Variants in RBFOX1 observed in about 807,000 individuals in gnomAD.
The protein encoded by RBFOX1 is RNA binding fox-1 homolog 1.
A neutral mutation model predicts 57.7 loss-of-function variants in RBFOX1; 8 were observed. The observed-to-expected ratio is 0.14, with a 90% CI of 0.08 to 0.25. The LOEUF (loss-of-function observed/expected upper bound fraction) is 0.25. RBFOX1 is among the 10% of genes least tolerant of loss of function. RBFOX1 has a pLI of 1.00. For synonymous variants in RBFOX1, 326 were observed against 222.4 expected (o/e 1.47, Z -4.15); for missense variants, 611 against 548.5 (o/e 1.11, Z -1.14).
chr16:7,402,342 A>G (rs2098258902), intron 4 of RBFOX1, among the ~76,000 whole-genome samples: 1 of 152,226 alleles, frequency 6.6e-6, no homozygotes, highest in Non-Finnish European at 1.5e-5. Flanking sequence ...TATGTTCCTG[A>G]ACTCCATTAT....
At chr16:6,385,651 T>A (rs114935345) in intron 2 of RBFOX1, among the ~76,000 whole-genome samples, 58 of 152,312 alleles carry the variant, frequency 3.8e-4, no homozygotes, top group African/African-American at 1.3e-3. Context: ...GTTTTTCCCA[T>A]CTTTAAAATG....
intron 3 of RBFOX1, among the ~76,000 whole-genome samples, chr16:6,807,083 T>G: frequency 6.6e-6 from 1 of 151,688 alleles, no homozygotes; most frequent in East Asian, 1.9e-4. Context: ...GTATGCCTGC[T>G]TCAGCCTCCC....
At chr16:6,959,219 G>T (rs959294997) in intron 3 of RBFOX1, among the ~76,000 whole-genome samples, 9 of 152,088 alleles carry the variant, frequency 5.9e-5, no homozygotes, top group Non-Finnish European at 1.3e-4. Context: ...TACTTAAAAA[G>T]TACCTCTCTT....
chr16:6,404,679 C>G (rs2093210233), intron 2 of RBFOX1, among the ~76,000 whole-genome samples: 1 of 152,166 alleles, frequency 6.6e-6, no homozygotes, highest in East Asian at 1.9e-4. Context: ...AGGGAGAGTA[C>G]CAGGCAAACT....
chr16:5,269,450 C>T (rs1658830371), intron 1 of RBFOX1, among the ~76,000 whole-genome samples: 2 of 152,220 alleles, frequency 1.3e-5, no homozygotes, highest in South Asian at 2.1e-4. Flanking sequence ...TCCTAATAAC[C>T]CAAAGAGGGA....
intron 5 of RBFOX1, among the ~76,000 whole-genome samples, chr16:7,569,701 C>G (rs2092571381): frequency 6.6e-6 from 1 of 152,142 alleles, no homozygotes; most frequent in African/African-American, 2.4e-5. Context: ...GTCTGTTGAG[C>G]ACCTGAAATA....
chr16:6,091,483 T>A (rs1387737232), intron 1 of RBFOX1, among the ~76,000 whole-genome samples: 3 of 152,180 alleles, frequency 2.0e-5, no homozygotes, highest in Non-Finnish European at 2.9e-5. Flanking sequence ...TCTATTTTAT[T>A]GTCACTTTAT....
chr16:7,266,788 C>T (rs1198921061), intron 4 of RBFOX1, among the ~76,000 whole-genome samples: 2 of 152,044 alleles, frequency 1.3e-5, no homozygotes, highest in Non-Finnish European at 2.9e-5. Context: ...AATAAGAAAA[C>T]ATGTACCGAT....
At chr16:5,362,497 G>T (rs2065581180) in intron 1 of RBFOX1, among the ~76,000 whole-genome samples, 1 of 152,214 alleles carries the variant, frequency 6.6e-6, no homozygotes. Context: ...CGAGTAGCTG[G>T]GATTACAGGC....
chr16:6,502,432 T>G (rs2095963879), intron 2 of RBFOX1, among the ~76,000 whole-genome samples: 1 of 152,122 alleles, frequency 6.6e-6, no homozygotes. Context: ...CTTGGGCAAG[T>G]TATTTAATCT....
intron 4 of RBFOX1, among the ~76,000 whole-genome samples, chr16:7,425,608 G>C (rs1240139940): frequency 6.6e-6 from 1 of 152,106 alleles, no homozygotes; most frequent in East Asian, 1.9e-4. Context: ...TGCTCATTCT[G>C]TTTCTAAACT....
chr16:7,299,745 T>A (rs2095985847), intron 4 of RBFOX1, among the ~76,000 whole-genome samples: 1 of 152,188 alleles, frequency 6.6e-6, no homozygotes, highest in Non-Finnish European at 1.5e-5. Flanking sequence ...GCTTAATGTA[T>A]ACATTAGAAG....
chr16:6,875,875 G>A (rs150994067), intron 3 of RBFOX1, among the ~76,000 whole-genome samples: 2 of 152,114 alleles, frequency 1.3e-5, no homozygotes, highest in African/African-American at 4.8e-5. Context: ...GTCCATGCGT[G>A]GAATCCAGGC....
At chr16:6,502,983 G>A (rs768379101) in intron 2 of RBFOX1, among the ~76,000 whole-genome samples, 1 of 152,122 alleles carries the variant, frequency 6.6e-6, no homozygotes, top group South Asian at 2.1e-4. Context: ...TATCGACTCA[G>A]CTGAGATATT....
chr16:5,276,762 C>G (rs1310945966), intron 1 of RBFOX1, among the ~76,000 whole-genome samples: 2 of 152,118 alleles, frequency 1.3e-5, no homozygotes, highest in African/African-American at 4.8e-5. Flanking sequence ...CAGAGTGAGA[C>G]TTCATCTCAA....
chr16:7,535,330 G>A (rs376560216), intron 5 of RBFOX1, among the ~76,000 whole-genome samples: 10 of 152,246 alleles, frequency 6.6e-5, no homozygotes, highest in East Asian at 1.9e-4. Flanking sequence ...GGTCACTTAG[G>A]GTTTCATGGA....
intron 3 of RBFOX1, among the ~76,000 whole-genome samples, chr16:7,011,530 T>C (rs2093652814): frequency 6.6e-6 from 1 of 152,196 alleles, no homozygotes. Flanking sequence ...TGTTTGTTTT[T>C]TGAGACGAAG....
chr16:6,785,157 CAA>C (rs2081718144), intron 3 of RBFOX1, among the ~76,000 whole-genome samples: 1 of 151,966 alleles, frequency 6.6e-6, no homozygotes, highest in South Asian at 2.1e-4. Context: ...CATTTCTGAA[CAA>C]AGAGATCTAC....
chr16:7,141,275 A>G (rs1056121669), intron 4 of RBFOX1, among the ~76,000 whole-genome samples: 1 of 152,158 alleles, frequency 6.6e-6, no homozygotes, highest in African/African-American at 2.4e-5. Flanking sequence ...CAGGGCATCT[A>G]TTCACACCCA....
Sources: allele counts gnomAD v4.1 joint callset (sites outside exome capture counted in the v4.1 genomes callset), GRCh38; gene constraint gnomAD v4.1.1; transcripts MANE v1.5; gene names NCBI Gene and HGNC (gene_info 2026-07-23, HGNC 2026-07-21).